DENND2B: variants seen among roughly 807,000 people sequenced by gnomAD.
DENND2B encodes DENN domain containing 2B.
Under a neutral mutation model 116.0 loss-of-function variants are expected in DENND2B, and 32 were observed. The observed-to-expected ratio is 0.28, with a 90% CI of 0.21 to 0.37. The LOEUF (loss-of-function observed/expected upper bound fraction) is 0.37, where lower values mean the gene tolerates loss of function less well. DENND2B is among the 10% of genes least tolerant of loss of function. The pLI, the probability that DENND2B is intolerant of heterozygous loss-of-function variation, is 1.00. For missense variants in DENND2B, 1,276 were observed against 1,477.7 expected (o/e 0.86, Z 2.24); for synonymous variants, 588 against 583.9 (o/e 1.01, Z -0.10).
At chr11:8,777,812 T>G (rs370096453) in intron 1 of DENND2B, among the ~76,000 whole-genome samples, 2 of 152,230 alleles carry the variant, frequency 1.3e-5, no homozygotes, top group Admixed American at 6.5e-5. Flanking sequence ...TTTCCAGCAG[T>G]GGAGACTCAC....
At chr11:8,713,281 G>A (rs756490600) in intron 8 of DENND2B, among the ~76,000 whole-genome samples, 1 of 152,108 alleles carries the variant, frequency 6.6e-6, no homozygotes, top group Non-Finnish European at 1.5e-5. Context: ...GGAGATGGGG[G>A]ACTGCAGGGC....
chr11:8,788,366 C>T (rs1565950595), intron 1 of DENND2B, among the ~76,000 whole-genome samples: 1 of 152,092 alleles, frequency 6.6e-6, no homozygotes, highest in African/African-American at 2.4e-5. Context: ...CAGTATTAAC[C>T]CCCTACCTCA....
chr11:8,734,235 T>C (rs2048589071), intron 2 of DENND2B, among the ~76,000 whole-genome samples: 1 of 152,240 alleles, frequency 6.6e-6, no homozygotes, highest in Non-Finnish European at 1.5e-5. Context: ...GTTTCATTTC[T>C]TCAAAACTGT....
At chr11:8,698,366 A>G (rs538938588) in intron 16 of DENND2B, among the ~76,000 whole-genome samples, 1 of 152,220 alleles carries the variant, frequency 6.6e-6, no homozygotes, top group East Asian at 1.9e-4. Flanking sequence ...TTCTGTGTCC[A>G]CATCACTATG....
At chr11:8,814,489 C>A (rs569321235), upstream of DENND2B, among the ~76,000 whole-genome samples, 2 of 152,124 alleles carry the variant, frequency 1.3e-5, no homozygotes, top group South Asian at 4.2e-4. Context: ...ATATTTTTTC[C>A]AGGTTGTTTC....
At chr11:8,804,864 G>C (rs2060704472) in intron 1 of DENND2B, among the ~76,000 whole-genome samples, 1 of 152,118 alleles carries the variant, frequency 6.6e-6, no homozygotes, top group African/African-American at 2.4e-5. Flanking sequence ...TCTAAAAGAA[G>C]AATCTGGTTT....
At chr11:8,846,431 C>T (rs142895734) in intron 3 of DENND2B, among the ~76,000 whole-genome samples, 5 of 152,234 alleles carry the variant, frequency 3.3e-5, no homozygotes, top group African/African-American at 7.2e-5. Flanking sequence ...ACCAAAGCAG[C>T]GCCCAGGCTG....
At chr11:8,837,317 G>C (rs1312334368) in intron 4 of DENND2B, among the ~76,000 whole-genome samples, 1 of 149,802 alleles carries the variant, frequency 6.7e-6, no homozygotes, top group Non-Finnish European at 1.5e-5. Flanking sequence ...TGCCTCTCAG[G>C]AACACCAAGA....
chr11:8,904,707 G>C (rs2064213695), intron 1 of DENND2B, among the ~76,000 whole-genome samples: 1 of 152,066 alleles, frequency 6.6e-6, no homozygotes. Flanking sequence ...AAGTAAATGA[G>C]TTTAACAAGG....
chr11:8,901,925 G>A (rs923174409), intron 1 of DENND2B, among the ~76,000 whole-genome samples: 15 of 152,216 alleles, frequency 9.9e-5, no homozygotes, highest in Admixed American at 6.5e-5. Context: ...ACAAGAATGT[G>A]TATTGTGCTA....
chr11:8,713,502 C>CCCAAGTAGCTGGTAT (rs1380331485), intron 8 of DENND2B, among the ~76,000 whole-genome samples: 1 of 152,124 alleles, frequency 6.6e-6, no homozygotes, highest in Non-Finnish European at 1.5e-5. Context: ...GCCTCAGCCT[C>CCCAAGTAGCTGGTAT]CCAAGTAGCT....
At chr11:8,771,310 A>C (rs1416731686) in intron 1 of DENND2B, among the ~76,000 whole-genome samples, 1 of 152,142 alleles carries the variant, frequency 6.6e-6, no homozygotes, top group African/African-American at 2.4e-5. Context: ...TATGGGGAAC[A>C]GTATATACAA....
At chr11:8,857,168 A>T (rs2063222734) in intron 3 of DENND2B, among the ~76,000 whole-genome samples, 1 of 152,218 alleles carries the variant, frequency 6.6e-6, no homozygotes, top group South Asian at 2.1e-4. Flanking sequence ...ATAGCCGCAT[A>T]CAGAATTAAG....
In DENND2B at chr11:8,718,055, G is replaced by A. The variant is rs968385736; in HGVS notation, c.1478-163C>T. ...TGCAGCTGCCCGTCTGCAGTGGGGA[G>A]GCTACAAACAGATCCTGGCTCCAAG... On this transcript the variant is annotated intron_variant, in intron 4 of 19. Coordinates refer to ENST00000313726, the MANE Select transcript of DENND2B (RefSeq NM_213618.2). The A allele has an allele frequency of 1.4e-5, 9 of 656,278 alleles. No individual in the cohort carries two copies. In the African/African-American group the frequency reaches 1.7e-4, roughly 12 times the overall value. The allele number at this position is 656,278 out of a possible 1,614,324, so 40.7% of individuals were successfully genotyped here.
chr11:8,748,276 T>G lies in DENND2B; in HGVS notation c.80+2345A>C, dbSNP rs138296102. ...TCACTACCAAACACCTATTGAAAGG[T>G]CAAACTAAGAAACTCAGGTGCCAAG... On this transcript the variant is annotated intron_variant, in intron 2 of 19. Coordinates refer to ENST00000313726, the MANE Select transcript of DENND2B (RefSeq NM_213618.2). 8.1e-3 allele frequency among the ~76,000 whole-genome samples: 1,237 copies of G among 152,032 alleles called. 21 individuals are homozygous for G. The highest frequency in any genetic ancestry group is 0.029 in the African/African-American group (1,183 of 41,444).
chr11:8,779,678 A>G (rs1156949600), intron 1 of DENND2B, among the ~76,000 whole-genome samples: 1 of 151,678 alleles, frequency 6.6e-6, no homozygotes, highest in African/African-American at 2.4e-5. Context: ...CACACCGGCT[A>G]ATATTTTGTA....
chr11:8,819,284 C>T (rs2061681322), intron 4 of DENND2B, among the ~76,000 whole-genome samples: 1 of 152,090 alleles, frequency 6.6e-6, no homozygotes, highest in Non-Finnish European at 1.5e-5. Flanking sequence ...GGCCTGGCTA[C>T]TTTCGACACT....
At chr11:8,879,315 A>C (rs747160612) in intron 2 of DENND2B, among the ~76,000 whole-genome samples, 1 of 152,156 alleles carries the variant, frequency 6.6e-6, no homozygotes, top group African/African-American at 2.4e-5. Flanking sequence ...GAATAAACCA[A>C]TACCTCCCTA....
chr11:8,768,389 G>A, intron 1 of DENND2B, among the ~76,000 whole-genome samples: 1 of 152,066 alleles, frequency 6.6e-6, no homozygotes, highest in Non-Finnish European at 1.5e-5. Flanking sequence ...TGGGACTACA[G>A]GTGCATGTAA....
Sources: gnomAD v4.1 joint callset for allele counts (sites outside exome capture counted in the v4.1 genomes callset) on GRCh38, gnomAD v4.1.1 for gene constraint, MANE v1.5 for transcripts, NCBI Gene and HGNC (gene_info 2026-07-23, HGNC 2026-07-21) for gene names.